Variants in MID1 observed in about 807,000 individuals in gnomAD.
MID1 encodes the protein midline 1, also known as E3 ubiquitin-protein ligase Midline-1.
A neutral mutation model predicts 40.4 loss-of-function variants in MID1; 7 were observed. The observed-to-expected ratio is 0.17, with a 90% CI of 0.10 to 0.33. The LOEUF (loss-of-function observed/expected upper bound fraction) is 0.33. Among genes scored for constraint, MID1 ranks in the 10% least tolerant of loss-of-function variants. MID1 has a pLI of 1.00. For synonymous variants in MID1, 229 were observed against 221.2 expected, an observed-to-expected ratio of 1.04 and a Z score of -0.31; for missense variants, 367 against 558.5, an observed-to-expected ratio of 0.66 and a Z score of 3.46.
At position 10,717,733 on chromosome X, in the gene MID1, C is replaced by T. The variant is rs371763924; in HGVS notation, c.-186-97314G>A. Among the ~76,000 whole-genome samples, 28 of 109,588 alleles carry T rather than the reference C, an allele frequency of 2.6e-4. 1 individual carries two copies. The highest frequency in any genetic ancestry group is 8.5e-4 in the East Asian group (3 of 3,548). On this transcript the variant is annotated intron_variant, in intron 1 of 10. Transcript: ENST00000380785. ...TACAGAACTCTCCACCCCAAATCAA[C>T]AGAATATACATTTTTTTTGGCACCA...
chrX:10,766,957 C>T (rs1469354333), intron 1 of MID1, among the ~76,000 whole-genome samples: 1 of 109,254 alleles, frequency 9.2e-6, no homozygotes, highest in Admixed American at 9.8e-5. Flanking sequence ...TGGATTTGGA[C>T]TCACATGTTG....
intron 6 of MID1, among the ~76,000 whole-genome samples, chrX:10,471,615 C>T (rs1929713555): frequency 8.9e-6 from 1 of 111,922 alleles, no homozygotes; most frequent in Admixed American, 9.5e-5. Context: ...ATCAGTGACA[C>T]CAATCAGGAT....
intron 1 of MID1, among the ~76,000 whole-genome samples, chrX:10,747,782 A>G (rs1259080177): frequency 1.4e-4 from 16 of 112,099 alleles, no homozygotes; most frequent in Non-Finnish European, 5.6e-5. Context: ...TCCACTCATT[A>G]CGTGTTCCTT....
chrX:10,742,390 C>T (rs899657667), intron 1 of MID1, among the ~76,000 whole-genome samples: 1 of 111,596 alleles, frequency 9.0e-6, no homozygotes, highest in Admixed American at 9.6e-5. Flanking sequence ...AAAAAAATCC[C>T]TTTTCTACAT....
intron 1 of MID1, among the ~76,000 whole-genome samples, chrX:10,613,732 T>TATATATATAGAGAGAGAGAGAGAG (rs1482081086): frequency 1.1e-4 from 2 of 17,469 alleles, no homozygotes; most frequent in Non-Finnish European, 2.2e-4. Context: ...TATATATATA[T>TATATATATAGAGAGAGAGAGAGAG]AGAGAGAGAG....
chrX:10,481,701 C>T (rs754776201), intron 5 of MID1, among the ~76,000 whole-genome samples: 18 of 112,196 alleles, frequency 1.6e-4, no homozygotes, highest in African/African-American at 5.5e-4. Context: ...CCGCCTTGGC[C>T]TCCCAAAGTG....
At chrX:10,763,793 G>A (rs1409519989) in intron 1 of MID1, among the ~76,000 whole-genome samples, 1 of 111,784 alleles carries the variant, frequency 8.9e-6, no homozygotes, top group Non-Finnish European at 1.9e-5. Flanking sequence ...CAGTGTAAAA[G>A]TGTTCCTATT....
chrX:10,567,663 A>T (rs1934607577), intron 1 of MID1, 60 bp from the exon 2 acceptor site: 1 of 748,517 alleles, frequency 1.3e-6, no homozygotes, highest in Non-Finnish European at 2.1e-6. Flanking sequence ...GGGGGGTGTC[A>T]GCTTTGAATG....
At chrX:10,545,884 G>GT (rs775230758) in intron 2 of MID1, among the ~76,000 whole-genome samples, 56 of 110,933 alleles carry the variant, frequency 5.0e-4, no homozygotes, top group Admixed American at 2.1e-3. Flanking sequence ...TTTTATCTTC[G>GT]TTTTTTTTCT....
rs147988343 is a variant in MID1 at position 10,583,971 on chromosome X, C to T, written c.-56-16368G>A. On this transcript the variant is annotated intron_variant, in intron 1 of 9. Transcript: ENST00000317552. The stretch of plus-strand genomic sequence containing the variant: ...GCTTGAACCCGGGCGGCAGAGGTTG[C>T]GGTGAGCAGAGATCACACCACTGCA... 9.4e-3 allele frequency among the ~76,000 whole-genome samples: 1,027 copies of T among 108,732 alleles called. 12 individuals are homozygous for T. The highest frequency in any genetic ancestry group is 0.032 in the African/African-American group (949 of 29,710). The allele number at this position is 108,732 out of a possible 115,157, so 94.4% of individuals were successfully genotyped here. A position where few individuals can be genotyped will look rare whatever the true frequency, so the allele number is the denominator to read the frequency against.
chrX:10,749,440 C>T (rs747146620), intron 1 of MID1, among the ~76,000 whole-genome samples: 1 of 112,107 alleles, frequency 8.9e-6, no homozygotes, highest in East Asian at 2.8e-4. Flanking sequence ...AAATTTAGTA[C>T]TCACCTTGAA....
intron 7 of MID1, 144 bp downstream of exon 7, chrX:10,469,553 T>C: frequency 8.3e-7 from 1 of 1,204,428 alleles, no homozygotes; most frequent in African/African-American, 1.7e-5. Flanking sequence ...GTGAGTGCTA[T>C]CACTTTTTTG....
chrX:10,800,937 T>A (rs1019491938), intron 1 of MID1, among the ~76,000 whole-genome samples: 1 of 112,248 alleles, frequency 8.9e-6, no homozygotes, highest in Non-Finnish European at 1.9e-5. Context: ...GATGTAAAAC[T>A]AGAAGATGAC....
At chrX:10,505,218 G>A in intron 3 of MID1, 7 of 330,511 alleles carry the variant, frequency 2.1e-5, no homozygotes, top group Non-Finnish European at 2.8e-5. Flanking sequence ...CTTTCCCCAT[G>A]ATGTCCTGCT....
intron 1 of MID1, among the ~76,000 whole-genome samples, chrX:10,703,502 C>T (rs1408663579): frequency 1.8e-5 from 2 of 111,106 alleles, no homozygotes; most frequent in Middle Eastern, 4.6e-3. Flanking sequence ...CCCATCACTA[C>T]TAAAAATACA....
intron 1 of MID1, among the ~76,000 whole-genome samples, chrX:10,701,929 C>G (rs901063560): frequency 1.8e-5 from 2 of 112,470 alleles, no homozygotes; most frequent in African/African-American, 3.2e-5. Flanking sequence ...TAACATTGAC[C>G]ACAAGAAATA....
At chrX:10,756,060 C>T (rs1483231914) in intron 1 of MID1, among the ~76,000 whole-genome samples, 2 of 112,092 alleles carry the variant, frequency 1.8e-5, no homozygotes, top group Admixed American at 1.9e-4. Flanking sequence ...TGACATGACA[C>T]CACCTTAAGA....
intron 1 of MID1, among the ~76,000 whole-genome samples, chrX:10,643,964 T>C (rs1210738347): frequency 9.1e-6 from 1 of 109,975 alleles, no homozygotes; most frequent in Admixed American, 9.7e-5. Context: ...ATGAGAACAC[T>C]TGGACACAGG....
intron 4 of MID1, among the ~76,000 whole-genome samples, chrX:10,491,233 T>C (rs1930932089): frequency 8.9e-6 from 1 of 111,793 alleles, no homozygotes; most frequent in African/African-American, 3.3e-5. Context: ...GGCACTTTTT[T>C]TATTCACAGA....
Sources: allele counts gnomAD v4.1 joint callset (sites outside exome capture counted in the v4.1 genomes callset), GRCh38; gene constraint gnomAD v4.1.1; transcripts MANE v1.5; gene names NCBI Gene and HGNC (gene_info 2026-07-23, HGNC 2026-07-21).